EVC: variants seen among roughly 807,000 people sequenced by gnomAD.
EVC encodes the protein EvC ciliary complex subunit 1.
EVC carries 116 observed loss-of-function variants against 118.9 expected under a neutral mutation model. The observed-to-expected ratio is 0.98, with a 90% CI of 0.84 to 1.14. The LOEUF is 1.14. Among genes scored for constraint, EVC ranks in the 50% most tolerant of loss-of-function variants. The probability of loss-of-function intolerance (pLI) is 0.00; values close to 1 mark genes in which losing one functional copy is unlikely to be tolerated. For missense variants in EVC, 1,401 were observed against 1,246.4 expected (o/e 1.12, Z -1.87); for synonymous variants, 619 against 534.7 (o/e 1.16, Z -2.18).
chr4:5,761,492 AGGCGGGG>A (rs1319370863), intron 11 of EVC, among the ~76,000 whole-genome samples: 3 of 69,440 alleles, frequency 4.3e-5, no homozygotes, highest in African/African-American at 1.8e-4. Flanking sequence ...TCCTTTAAAA[AGGCGGGG>A]GGCGGGGGGT....
In EVC at chr4:5,722,860, C is replaced by T. The variant is rs561377684; in HGVS notation, c.300+3487C>T. ...ACCAATTTTCTAAATAATTGTATTG[C>T]TTCAGCTGGGGAGACTCTCAGAATT... is the stretch of plus-strand genomic sequence containing the variant. On this transcript the variant is annotated intron_variant, in intron 2 of 20. Coordinates refer to ENST00000264956, the MANE Select transcript of EVC (RefSeq NM_153717.3). Among the ~76,000 whole-genome samples, 101 of 152,286 alleles carry T rather than the reference C, an allele frequency of 6.6e-4. 2 individuals carry two copies. The South Asian group carries it at 0.02, about 30-fold the overall frequency.
At chr4:5,729,539 C>T in intron 3 of EVC, 149 bp downstream of exon 3, 1 of 802,316 alleles carries the variant, frequency 1.2e-6, no homozygotes, top group Non-Finnish European at 2.1e-6. Context: ...TTTTGAGGCT[C>T]AGGAACAGGA....
Position 5,746,644 on chromosome 4 carries a change from A to G in EVC, c.939+1303A>G, listed in dbSNP as rs1008538121. Among the ~76,000 whole-genome samples the G allele has an allele frequency of 3.3e-5, 5 of 152,120 alleles. No individual in the cohort carries two copies. The highest frequency in any genetic ancestry group is 9.7e-5 in the African/African-American group (4 of 41,430). On this transcript the variant is annotated intron_variant, in intron 7 of 20. Coordinates refer to ENST00000264956, the MANE Select transcript of EVC (RefSeq NM_153717.3). The surrounding 1 kb of genome is among the most constrained non-coding windows in gnomAD (Gnocchi z 5.8). Reference sequence around the variant, plus strand: ...ATTCCGGTGGTCCACAGAACCCCCAACGCTGTGTGCAGTATCTTGTCCATG... The same window carrying G: ...ATTCCGGTGGTCCACAGAACCCCCAGCGCTGTGTGCAGTATCTTGTCCATG...
chr4:5,744,348 A>G (rs920739560), intron 6 of EVC, among the ~76,000 whole-genome samples: 4 of 152,226 alleles, frequency 2.6e-5, no homozygotes, highest in African/African-American at 7.2e-5. Flanking sequence ...AGTAGTTTAT[A>G]TCAATGTTAT....
At chr4:5,772,827 C>T (rs1734192908) in intron 11 of EVC, among the ~76,000 whole-genome samples, 1 of 152,164 alleles carries the variant, frequency 6.6e-6, no homozygotes, top group African/African-American at 2.4e-5. Context: ...TCCCTCCCAC[C>T]CCAGTGCCTG....
At chr4:5,716,005 G>A (rs938440428) in intron 1 of EVC, among the ~76,000 whole-genome samples, 8 of 152,216 alleles carry the variant, frequency 5.3e-5, no homozygotes, top group Non-Finnish European at 1.2e-4. Flanking sequence ...GCCTCCCAGA[G>A]TGCTGGGATT....
intron 12 of EVC, among the ~76,000 whole-genome samples, chr4:5,793,280 T>A (rs1336650991): frequency 1.3e-5 from 2 of 152,046 alleles, no homozygotes; most frequent in Non-Finnish European, 1.5e-5. Context: ...AGAAAAAAAA[T>A]AAATTATTTA....
chr4:5,795,727 T>C (rs779170464), intron 13 of EVC, among the ~76,000 whole-genome samples: 1 of 152,242 alleles, frequency 6.6e-6, no homozygotes, highest in Non-Finnish European at 1.5e-5. Flanking sequence ...TGAGCCATAC[T>C]GAGGACAACA....
chr4:5,735,309 G>T (rs34638725), intron 5 of EVC, among the ~76,000 whole-genome samples: 20,263 of 152,182 alleles, frequency 0.13, 1,673 homozygotes, highest in East Asian at 0.27. Context: ...GGAGTCTCGT[G>T]GGTGGAAACC....
Position 5,786,686 on chromosome 4 carries a change from A to T in EVC, c.1776+2922A>T, listed in dbSNP as rs573667496. Among the ~76,000 whole-genome samples the T allele has an allele frequency of 2.0e-5, 3 of 152,304 alleles. No individual in the cohort carries two copies. In the East Asian group the frequency reaches 5.8e-4, roughly 29 times the overall value. On this transcript the variant is annotated intron_variant, in intron 12 of 20. Transcript: ENST00000264956. Reference sequence around the variant, plus strand: ...CAGGAGATCGAGACCATCCTGGCTAACATGGTGAAACCCCGTCTCTACTAA... The same window carrying T: ...CAGGAGATCGAGACCATCCTGGCTATCATGGTGAAACCCCGTCTCTACTAA...
At chr4:5,815,304 C>T (rs1577685634), downstream of EVC, among the ~76,000 whole-genome samples, 1 of 152,142 alleles carries the variant, frequency 6.6e-6, no homozygotes, top group African/African-American at 2.4e-5. Context: ...GCTTTTCCTC[C>T]ACCCTACGAA....
In EVC at chr4:5,804,738, A is replaced by G; in HGVS notation, c.2458A>G (p.Met820Val). The change falls in exon 17 of 21, where the codon ATG becomes GTG. Residue 820 changes from methionine to valine, a missense_variant. Physicochemically the swap from Met to Val is conservative, Grantham distance 21 (BLOSUM62 1). Transcript: ENST00000264956. ...QHLKTLQGERMENYKLRKKQE... is the reference protein window; with the variant it reads ...QHLKTLQGERVENYKLRKKQE... Reference sequence around the variant, plus strand: ...TGTGTTAAATGGTCTAGGTGAGAGGATGGAAAATTACAAACTGCGGAAAAA... The same window carrying G: ...TGTGTTAAATGGTCTAGGTGAGAGGGTGGAAAATTACAAACTGCGGAAAAA... 1 of 1,614,114 alleles carries G rather than the reference A, an allele frequency of 6.2e-7. No homozygotes were observed. The highest frequency in any genetic ancestry group is 8.5e-7 in the Non-Finnish European group (1 of 1,180,016).
Position 5,798,672 on chromosome 4 carries a change from G to A in EVC, c.2184G>A (p.Glu728=), listed in dbSNP as rs1387569961. ...AGCTCCAGCAGCGGCTCCTGGCCGA[G>A]GCCCAGGAGGTGGGGCAGCTTCTGC... ...RLQLQQRLLA[E]AQEVGQLLQQ... Residue 728 remains glutamate, a synonymous_variant, in exon 15 of 21, where the codon GAG becomes GAA. Coordinates refer to ENST00000264956, the MANE Select transcript of EVC (RefSeq NM_153717.3). The surrounding 1 kb of genome is among the most constrained non-coding windows in gnomAD (Gnocchi z 4.1). 1 of 1,599,572 alleles carries A rather than the reference G, an allele frequency of 6.3e-7. No individual in the cohort carries two copies. The highest frequency in any genetic ancestry group is 2.3e-5 in the East Asian group (1 of 44,094).
chr4:5,824,712 T>C, the EVC span: 1 of 981,402 alleles, frequency 1.0e-6, no homozygotes, highest in Non-Finnish European at 1.2e-6. Context: ...GCCTAAAGTA[T>C]TTACTATCCG....
chr4:5,790,984 A>G (rs900720998), intron 12 of EVC, among the ~76,000 whole-genome samples: 1 of 151,912 alleles, frequency 6.6e-6, no homozygotes, highest in African/African-American at 2.4e-5. Context: ...AATCCCAGCT[A>G]CTCCAGAGGC....
In EVC at chr4:5,755,704, G is replaced by T. The variant is rs1382356241; in HGVS notation, c.1465-560G>T. 6.6e-6 allele frequency among the ~76,000 whole-genome samples: 1 copy of T among 152,126 alleles called. No homozygotes were observed. The highest frequency in any genetic ancestry group is 2.4e-5 in the African/African-American group (1 of 41,422). ...TCTCCTGCAACCCTTCCCTGAGAAG[G>T]GTCTGTTCCTCTGTCCTTCTGCCCC... is the stretch of plus-strand genomic sequence containing the variant. On this transcript the variant is annotated intron_variant, in intron 10 of 20. Transcript: ENST00000264956. This position sits in a 1 kb window ranked among gnomAD's most constrained non-coding sequence, Gnocchi z 4.1.
intron 2 of EVC, among the ~76,000 whole-genome samples, chr4:5,727,823 A>G (rs1199491851): frequency 2.6e-4 from 38 of 147,960 alleles, no homozygotes; most frequent in African/African-American, 8.5e-4. Context: ...CATTTATTAA[A>G]TAGGGAATCC....
chr4:5,747,688 G>T (rs959481921), intron 7 of EVC, among the ~76,000 whole-genome samples: 2 of 152,204 alleles, frequency 1.3e-5, no homozygotes, highest in Admixed American at 6.5e-5. Context: ...TTCATGGTCA[G>T]CATCCTCTCT....
chr4:5,728,060 T>C (rs1384245978), intron 2 of EVC, among the ~76,000 whole-genome samples: 4 of 152,008 alleles, frequency 2.6e-5, no homozygotes, highest in South Asian at 4.2e-4. Context: ...ATGCGGGCTC[T>C]TTTTTGGTTC....
Sources: allele counts gnomAD v4.1 joint callset (sites outside exome capture counted in the v4.1 genomes callset), GRCh38; gene constraint gnomAD v4.1.1; non-coding constraint Gnocchi (gnomAD v3.1); transcripts MANE v1.5; gene names NCBI Gene and HGNC (gene_info 2026-07-23, HGNC 2026-07-21).